Variants in HERC5 observed in about 807,000 individuals in gnomAD.
HERC5 encodes the protein E3 ISG15--protein ligase HERC5.
In HERC5, 99 loss-of-function variants were observed where a neutral mutation model predicts 119.6. The ratio of observed to expected loss-of-function variants is 0.83; its 90% CI spans 0.70 to 0.98. The LOEUF (loss-of-function observed/expected upper bound fraction) is 0.98, where lower values mean the gene tolerates loss of function less well. Ranked by LOEUF, HERC5 falls within the 50% of genes least tolerant of loss-of-function variation. The probability of loss-of-function intolerance (pLI) is 0.00; values close to 1 mark genes in which losing one functional copy is unlikely to be tolerated. For synonymous variants in HERC5, 478 were observed against 445.9 expected (o/e 1.07, Z -0.91); for missense variants, 1,267 against 1,241.3 (o/e 1.02, Z -0.31).
Position 88,462,362 on chromosome 4 carries a change from G to A in HERC5, c.688+6G>A. On this transcript the variant is annotated splice_donor_region_variant and intron_variant, in intron 4 of 22. Transcript: ENST00000264350. Reference sequence around the variant, plus strand: ...AGGCCTGGGCCACACTGAGAGTATGGAACACATTCTCAGATTCCTATTACC... The same window carrying A: ...AGGCCTGGGCCACACTGAGAGTATGAAACACATTCTCAGATTCCTATTACC... 6.2e-7 allele frequency: 1 copy of A among 1,601,394 alleles called. No individual in the cohort carries two copies. Among genetic ancestry groups the A allele is most frequent in the South Asian group, 1.1e-5 (1 of 90,732 alleles).
chr4:88,464,000 A>G lies in HERC5; in HGVS notation c.911+15A>G, dbSNP rs750823444. The G allele has an allele frequency of 6.2e-7, 1 of 1,604,370 alleles. No individual in the cohort carries two copies. The highest frequency in any genetic ancestry group is 8.5e-7 in the Non-Finnish European group (1 of 1,175,844). ...GCATGTGGAAGGTAAGTTGTAAAGT[A>G]TCAATAAGAATTGATAAAATGAGTG... is the stretch of plus-strand genomic sequence containing the variant. On this transcript the variant is annotated intron_variant, in intron 6 of 22. Transcript: ENST00000264350.
chr4:88,479,584 T>A, intron 13 of HERC5, 77 bp downstream of exon 13: 1 of 1,243,936 alleles, frequency 8.0e-7, no homozygotes, highest in Non-Finnish European at 1.1e-6. Context: ...CTTGAATCTT[T>A]AAGTAGACTC....
chr4:88,499,573 G>A (rs986612569), intron 18 of HERC5, among the ~76,000 whole-genome samples: 2 of 152,156 alleles, frequency 1.3e-5, no homozygotes, highest in Non-Finnish European at 2.9e-5. Context: ...TGTAAGTAAA[G>A]TTCAAAAGCT....
At chr4:88,462,049 A>G (rs1740461025) in intron 3 of HERC5, 86 bp from the exon 4 acceptor site, 8 of 1,076,818 alleles carry the variant, frequency 7.4e-6, no homozygotes, top group South Asian at 7.0e-5. Flanking sequence ...GTGATATTAT[A>G]CTAGGTAGAG....
chr4:88,490,965 C>G (rs550383030), intron 16 of HERC5, among the ~76,000 whole-genome samples: 1 of 152,096 alleles, frequency 6.6e-6, no homozygotes, highest in African/African-American at 2.4e-5. Flanking sequence ...TCAGTCTACT[C>G]GATTATTTGA....
chr4:88,497,756 CTTTTTA>C (rs1741839884), intron 18 of HERC5, among the ~76,000 whole-genome samples: 3 of 152,252 alleles, frequency 2.0e-5, no homozygotes, highest in African/African-American at 7.2e-5. Flanking sequence ...CCAGGTGACT[CTTTTTA>C]TTAATAAAGA....
chr4:88,464,212 C>T (rs1487430823), intron 6 of HERC5, among the ~76,000 whole-genome samples: 3 of 123,670 alleles, frequency 2.4e-5, no homozygotes, highest in Non-Finnish European at 3.2e-5. Context: ...ATACAATTCA[C>T]TTTCTGCTGT....
Position 88,457,122 on chromosome 4 carries a change from A to G in HERC5, c.-148A>G. 8.1e-7 allele frequency: 1 copy of G among 1,231,858 alleles called. No homozygotes were observed. Among genetic ancestry groups the G allele is most frequent in the South Asian group, 4.0e-5 (1 of 25,300 alleles). The allele number at this position is 1,231,858 out of a possible 1,614,324, so 76.3% of individuals were successfully genotyped here. ...CGTGGCGTCCCGGCAGGGGCTCAGT[A>G]GCTGAGGCTGCGGTTCCCCGACGCC... On this transcript the variant is annotated 5_prime_UTR_variant, in exon 1 of 23. Coordinates refer to ENST00000264350, the MANE Select transcript of HERC5 (RefSeq NM_016323.4).
intron 7 of HERC5, chr4:88,467,872 C>G: frequency 1.0e-6 from 1 of 984,598 alleles, no homozygotes; most frequent in Non-Finnish European, 1.2e-6. Context: ...TAGTGGTGAC[C>G]TCAAGTAACA....
At chr4:88,458,050 A>G (rs978861775) in intron 1 of HERC5, 5 of 985,742 alleles carry the variant, frequency 5.1e-6, no homozygotes, top group African/African-American at 1.7e-5. Flanking sequence ...AGAAATTGGT[A>G]TCTTGCTGCG....
In HERC5 at chr4:88,479,434, A is replaced by G; in HGVS notation, c.1664A>G (p.Asp555Gly). 1.2e-6 allele frequency: 2 copies of G among 1,612,848 alleles called. No individual in the cohort carries two copies. The highest frequency in any genetic ancestry group is 2.2e-5 in the South Asian group (2 of 90,868). ...MFKTAVICQL[D>G]YWDESAEENG... ...AAAACAGCCGTCATATGCCAGTTGG[A>G]TTACTGGGATGAAAGTGCTGAGGAG... is the stretch of plus-strand genomic sequence containing the variant. Residue 555 changes from aspartate (D) to glycine (G), a missense_variant, in exon 13 of 23, where the codon GAT becomes GGT. Asp to Gly is a moderately conservative substitution (Grantham distance 94). Coordinates refer to ENST00000264350, the MANE Select transcript of HERC5 (RefSeq NM_016323.4).
rs570406670 is a variant in HERC5 at position 88,475,507 on chromosome 4, C to T, written c.1393-334C>T. Among the ~76,000 whole-genome samples the T allele has an allele frequency of 1.4e-3, 209 of 152,004 alleles. 2 individuals are homozygous for T. Among genetic ancestry groups the T allele is most frequent in the African/African-American group, 4.8e-3 (199 of 41,470 alleles). On this transcript the variant is annotated intron_variant, in intron 11 of 22. Coordinates refer to ENST00000264350, the MANE Select transcript of HERC5 (RefSeq NM_016323.4). Reference sequence around the variant, plus strand: ...CTAATTTTCATATTTTAAGTAGAGACAGGGTTTCACCATGTTGGTCAAGAT... The same window carrying T: ...CTAATTTTCATATTTTAAGTAGAGATAGGGTTTCACCATGTTGGTCAAGAT...
In HERC5 at chr4:88,467,054, A is replaced by C; in HGVS notation, c.912-5A>C. 6.2e-7 allele frequency: 1 copy of C among 1,613,752 alleles called. No individual in the cohort carries two copies. Among genetic ancestry groups the C allele is most frequent in the Non-Finnish European group, 8.5e-7 (1 of 1,179,756 alleles). ...GAATTGACCATATGTGCTTTTATTT[A>C]ATAGGTGGCACACACTTGCCTATGT... On this transcript the variant is annotated splice_region_variant and splice_polypyrimidine_tract_variant and intron_variant, in intron 6 of 22. Coordinates refer to ENST00000264350, the MANE Select transcript of HERC5 (RefSeq NM_016323.4).
intron 14 of HERC5, 141 bp from the exon 15 acceptor site, chr4:88,486,928 T>C (rs1741484535): frequency 1.8e-6 from 1 of 553,004 alleles, no homozygotes; most frequent in East Asian, 3.0e-5. Context: ...TTTCTACTAC[T>C]GGTACTATGG....
intron 6 of HERC5, among the ~76,000 whole-genome samples, chr4:88,466,140 G>A (rs1740657785): frequency 6.6e-6 from 1 of 150,578 alleles, no homozygotes; most frequent in African/African-American, 2.4e-5. Context: ...AGGCTGGACT[G>A]CAGTGGTGCT....
chr4:88,499,581 G>C (rs1472266212), intron 18 of HERC5, among the ~76,000 whole-genome samples: 1 of 152,156 alleles, frequency 6.6e-6, no homozygotes, highest in Non-Finnish European at 1.5e-5. Context: ...AAGTTCAAAA[G>C]CTTCAATAAA....
intron 18 of HERC5, 97 bp from the exon 19 acceptor site, chr4:88,499,829 A>G (rs1170546852): frequency 1.2e-6 from 1 of 827,354 alleles, no homozygotes; most frequent in East Asian, 2.4e-5. Context: ...CTGACCTCAT[A>G]CCTTCAGAAT....
At chr4:88,495,424 A>G (rs959159490) in intron 18 of HERC5, among the ~76,000 whole-genome samples, 2 of 152,122 alleles carry the variant, frequency 1.3e-5, no homozygotes, top group African/African-American at 4.8e-5. Flanking sequence ...TTAGCTGGGC[A>G]TGGTGGCACA....
chr4:88,489,631 G>T (rs1578061703), intron 16 of HERC5, among the ~76,000 whole-genome samples: 1 of 152,174 alleles, frequency 6.6e-6, no homozygotes, highest in Admixed American at 6.5e-5. Context: ...GTCTGGCCTA[G>T]CCTGGCTAGC....
Sources: gnomAD v4.1 joint callset for allele counts (sites outside exome capture counted in the v4.1 genomes callset) on GRCh38, gnomAD v4.1.1 for gene constraint, MANE v1.5 for transcripts, NCBI Gene and HGNC (gene_info 2026-07-23, HGNC 2026-07-21) for gene names.